SCFD1: variants seen among roughly 807,000 people sequenced by gnomAD.
The protein encoded by SCFD1 is sec1 family domain-containing protein 1.
Under a neutral mutation model 103.2 loss-of-function variants are expected in SCFD1, and 37 were observed. The ratio of observed to expected loss-of-function variants is 0.36; its 90% CI spans 0.28 to 0.47. The LOEUF (loss-of-function observed/expected upper bound fraction) is 0.47. Ranked by LOEUF, SCFD1 falls within the 20% of genes least tolerant of loss-of-function variation. The pLI, the probability that SCFD1 is intolerant of heterozygous loss-of-function variation, is 1.00. For synonymous variants in SCFD1, 264 were observed against 245.0 expected, an observed-to-expected ratio of 1.08 and a Z score of -0.73; for missense variants, 639 against 761.2, an observed-to-expected ratio of 0.84 and a Z score of 1.89.
chr14:30,661,037 G>T (rs1887402040), intron 10 of SCFD1, among the ~76,000 whole-genome samples: 3 of 152,042 alleles, frequency 2.0e-5, no homozygotes, highest in South Asian at 2.1e-4. Flanking sequence ...ATTTCTACTG[G>T]GATACTTTTG....
intron 19 of SCFD1, among the ~76,000 whole-genome samples, chr14:30,713,278 T>A (rs1309191982): frequency 6.6e-6 from 1 of 152,198 alleles, no homozygotes; most frequent in Non-Finnish European, 1.5e-5. Flanking sequence ...AAGCTTCCAT[T>A]AATGTATGGG....
intron 14 of SCFD1, among the ~76,000 whole-genome samples, chr14:30,691,190 A>T (rs1166846121): frequency 1.3e-5 from 2 of 152,242 alleles, no homozygotes; most frequent in Non-Finnish European, 2.9e-5. Context: ...TCTTGAACAA[A>T]TACATGTTTC....
rs530633980 is a variant in SCFD1, at chr14:30,680,141, T to C, written c.1242+5076T>C. Among the ~76,000 whole-genome samples the C allele has an allele frequency of 3.9e-5, 6 of 152,330 alleles. No homozygotes were observed. In the South Asian group the frequency reaches 8.3e-4, roughly 21 times the overall value. The stretch of plus-strand genomic sequence containing the variant: ...AAATCAACTTTTTCTTGCTCTTGGC[T>C]CTCACTTCCCTAATACCTACTTTTA... On this transcript the variant is annotated intron_variant, in intron 14 of 24. Coordinates refer to ENST00000458591, the MANE Select transcript of SCFD1 (RefSeq NM_016106.4).
rs1263801279 is a variant in SCFD1 at position 30,622,413 on chromosome 14, C to T, written c.61+14C>T. On this transcript the variant is annotated intron_variant, in intron 1 of 24. Coordinates refer to ENST00000458591, the MANE Select transcript of SCFD1 (RefSeq NM_016106.4). ...AAAGGCAGACAGGTACTGACTTATTCTCTTCTCCTTGAAGCTTCGTGACTG... is the reference window on the plus strand; with the variant it reads ...AAAGGCAGACAGGTACTGACTTATTTTCTTCTCCTTGAAGCTTCGTGACTG... 1.3e-6 allele frequency: 2 copies of T among 1,551,436 alleles called. No individual in the cohort carries two copies. Among genetic ancestry groups the T allele is most frequent in the Admixed American group, 3.9e-5 (2 of 50,998 alleles).
chr14:30,672,185 C>T (rs929895327), intron 11 of SCFD1, among the ~76,000 whole-genome samples: 11 of 151,644 alleles, frequency 7.3e-5, no homozygotes, highest in African/African-American at 2.4e-4. Context: ...AAAGCTAGGG[C>T]CCTGAGAGGG....
intron 1 of SCFD1, among the ~76,000 whole-genome samples, chr14:30,627,856 T>TAAA (rs59421697): frequency 1.7e-5 from 2 of 116,356 alleles, no homozygotes; most frequent in African/African-American, 6.3e-5. Flanking sequence ...CACTCAGACT[T>TAAA]AAAAAAAAAA....
Position 30,639,946 on chromosome 14 carries a change from G to A in SCFD1, c.523+82G>A. 27 of 1,426,516 alleles carry A rather than the reference G, an allele frequency of 1.9e-5. 1 individual carries two copies. The South Asian group carries it at 3.7e-4, about 20-fold the overall frequency. The allele number at this position is 1,426,516 out of a possible 1,614,324, so 88.4% of individuals were successfully genotyped here. ...AAGAAAAAAAGTGAATATGTTTAAT[G>A]GACTTCAAAACCAGCTTGTTTACAG... On this transcript the variant is annotated intron_variant, in intron 6 of 24. Coordinates refer to ENST00000458591, the MANE Select transcript of SCFD1 (RefSeq NM_016106.4).
chr14:30,727,898 T>C (rs1214031785), intron 23 of SCFD1, among the ~76,000 whole-genome samples: 1 of 151,548 alleles, frequency 6.6e-6, no homozygotes, highest in South Asian at 2.1e-4. Context: ...TGAGGAAAGA[T>C]GAAAAAAAAA....
chr14:30,628,375 C>T (rs1232282844), intron 2 of SCFD1, 96 bp downstream of exon 2: 2 of 722,500 alleles, frequency 2.8e-6, no homozygotes, highest in Admixed American at 5.4e-5. Flanking sequence ...AGAAGTAACA[C>T]ATATTAGTTA....
chr14:30,675,084 C>G lies in SCFD1; in HGVS notation c.1242+19C>G. 1 of 1,391,430 alleles carries G rather than the reference C, an allele frequency of 7.2e-7. No homozygotes were observed. Among genetic ancestry groups the G allele is most frequent in the Non-Finnish European group, 9.9e-7 (1 of 1,006,874 alleles). The allele number at this position is 1,391,430 out of a possible 1,614,324, so 86.2% of individuals were successfully genotyped here. On this transcript the variant is annotated intron_variant, in intron 14 of 24. Transcript: ENST00000458591. Reference sequence around the variant, plus strand: ...TATAAAGGTAAATTTAACTTTTTCCCCCCCACAATATGACTTGCATTTACA... The same window carrying G: ...TATAAAGGTAAATTTAACTTTTTCCGCCCCACAATATGACTTGCATTTACA...
intron 4 of SCFD1, among the ~76,000 whole-genome samples, chr14:30,636,281 G>A (rs992720590): frequency 6.7e-6 from 1 of 148,898 alleles, no homozygotes; most frequent in East Asian, 2.0e-4. Context: ...TTTTTTTCTT[G>A]AGTTGCTTAT....
intron 7 of SCFD1, among the ~76,000 whole-genome samples, chr14:30,645,846 C>T (rs113617837): frequency 0.017 from 2,540 of 152,214 alleles, 92 homozygotes; most frequent in African/African-American, 0.057. Flanking sequence ...GCTTTGGCTA[C>T]GACTTCCAGT....
chr14:30,721,198 T>C (rs1892626054), intron 21 of SCFD1, among the ~76,000 whole-genome samples: 1 of 152,126 alleles, frequency 6.6e-6, no homozygotes, highest in Admixed American at 6.5e-5. Flanking sequence ...GTCATCAGCC[T>C]CTGAACAATT....
At chr14:30,730,298 G>C (rs1337734742) in intron 23 of SCFD1, among the ~76,000 whole-genome samples, 1 of 151,992 alleles carries the variant, frequency 6.6e-6, no homozygotes, top group African/African-American at 2.4e-5. Context: ...TTGCTGTTGT[G>C]AATAGTGCCG....
chr14:30,673,913 T>C lies in SCFD1; in HGVS notation c.1087-11T>C. The C allele has an allele frequency of 6.2e-7, 1 of 1,609,282 alleles. No homozygotes were observed. Among genetic ancestry groups the C allele is most frequent in the Non-Finnish European group, 8.5e-7 (1 of 1,175,728 alleles). Reference sequence around the variant, plus strand: ...TTTTGAGTAGCTATTGAGACCTTTTTTCTTTACAAGGGACTAGAAGGGGAA... The same window carrying C: ...TTTTGAGTAGCTATTGAGACCTTTTCTCTTTACAAGGGACTAGAAGGGGAA... On this transcript the variant is annotated splice_polypyrimidine_tract_variant and intron_variant, in intron 12 of 24. Transcript: ENST00000458591.
chr14:30,730,654 T>C (rs1465702323), intron 23 of SCFD1, among the ~76,000 whole-genome samples: 2 of 152,264 alleles, frequency 1.3e-5, no homozygotes, highest in African/African-American at 2.4e-5. Flanking sequence ...CATAAATGTC[T>C]TCTTTTTAGA....
chr14:30,629,472 A>T (rs1883867434), intron 2 of SCFD1, among the ~76,000 whole-genome samples: 2 of 151,916 alleles, frequency 1.3e-5, no homozygotes, highest in Non-Finnish European at 2.9e-5. Context: ...TAAAAAGCCC[A>T]TTTGGAGTTC....
intron 19 of SCFD1, among the ~76,000 whole-genome samples, chr14:30,708,569 A>G (rs1318557318): frequency 1.3e-5 from 2 of 152,154 alleles, no homozygotes; most frequent in African/African-American, 2.4e-5. Flanking sequence ...CTTTACTTAC[A>G]TTTTGATTTG....
chr14:30,674,836 A>C, intron 13 of SCFD1, 148 bp from the exon 14 acceptor site: 1 of 459,060 alleles, frequency 2.2e-6, no homozygotes, highest in Non-Finnish European at 3.9e-6. Context: ...GTTCAAGTCT[A>C]GAGATTAAAT....
Sources: allele counts gnomAD v4.1 joint callset (sites outside exome capture counted in the v4.1 genomes callset), GRCh38; gene constraint gnomAD v4.1.1; transcripts MANE v1.5; gene names NCBI Gene and HGNC (gene_info 2026-07-23, HGNC 2026-07-21).